The following BMS1 variants were observed in gnomAD, a reference collection of about 807,000 sequenced individuals.
The protein encoded by BMS1 is BMS1 ribosome biogenesis factor.
A neutral mutation model predicts 138.7 loss-of-function variants in BMS1; 53 were observed. The observed-to-expected ratio is 0.38, with a 90% CI of 0.31 to 0.48. The LOEUF (loss-of-function observed/expected upper bound fraction) is 0.48. Among genes scored for constraint, BMS1 ranks in the 20% least tolerant of loss-of-function variants. The pLI, the probability that BMS1 is intolerant of heterozygous loss-of-function variation, is 0.97. For missense variants in BMS1, 1,360 were observed against 1,565.5 expected, an observed-to-expected ratio of 0.87 and a Z score of 2.22; for synonymous variants, 504 against 539.9, an observed-to-expected ratio of 0.93 and a Z score of 0.92.
Position 42,793,865 on chromosome 10 carries a change from C to A in BMS1, c.1103C>A (p.Pro368His), listed in dbSNP as rs749074641. The change falls in exon 9 of 23, where the codon CCC (proline) becomes CAC (histidine). Residue 368 changes from proline to histidine, a missense_variant. Pro to His is a moderately conservative substitution (Grantham distance 77). Around this residue, in one of 3 missense-constraint regions of BMS1, gnomAD observed 697 missense variants for 686.2 expected, o/e 1.02. Transcript: ENST00000374518. ...GSHVFQDEVGPTHELVQSLIS... is the reference protein window; with the variant it reads ...GSHVFQDEVGHTHELVQSLIS... ...TGGTCTTGACAGGATGAAGTGGGGC[C>A]CACCCATGAGCTGGTCCAGAGTCTC... 1 of 1,611,356 alleles carries A rather than the reference C, an allele frequency of 6.2e-7. No homozygotes were observed.
intron 15 of BMS1, among the ~76,000 whole-genome samples, chr10:42,818,716 G>T (rs114817981): frequency 6.6e-6 from 1 of 152,302 alleles, no homozygotes; most frequent in African/African-American, 2.4e-5. Flanking sequence ...TCTGGCCAGG[G>T]ACTTAGATGT....
At chr10:42,791,882 G>A (rs889400745) in intron 6 of BMS1, 113 bp downstream of exon 6, 8 of 1,311,200 alleles carry the variant, frequency 6.1e-6, no homozygotes, top group African/African-American at 1.5e-5. Flanking sequence ...AGGGGGGATA[G>A]AAGTGTAGTT....
chr10:42,825,865 T>G (rs1050727719), intron 21 of BMS1, among the ~76,000 whole-genome samples: 1 of 152,222 alleles, frequency 6.6e-6, no homozygotes, highest in Non-Finnish European at 1.5e-5. Context: ...GGAAAAGCTT[T>G]TAGTTGTTCC....
intron 21 of BMS1, among the ~76,000 whole-genome samples, chr10:42,827,987 A>G (rs1842699365): frequency 6.6e-6 from 1 of 152,182 alleles, no homozygotes; most frequent in African/African-American, 2.4e-5. Context: ...GAAAGTTTTA[A>G]TGTTTTAATA....
intron 12 of BMS1, among the ~76,000 whole-genome samples, chr10:42,800,509 A>G (rs1229958298): frequency 6.6e-6 from 1 of 150,604 alleles, no homozygotes; most frequent in Non-Finnish European, 1.5e-5. Context: ...TGCCATATAT[A>G]TAGGGTAAAT....
chr10:42,820,356 T>G lies in BMS1; in HGVS notation c.2701T>G (p.Phe901Val). The change falls in exon 16 of 23, where the codon TTT becomes GTT. Residue 901 changes from phenylalanine (F) to valine (V), a missense_variant. By Grantham distance (50) the Phe-to-Val change is conservative. Coordinates refer to ENST00000374518, the MANE Select transcript of BMS1 (RefSeq NM_014753.4). ...ENVPCEFVQN[F>V]DPHYPIILGG... ...TGTTCCCTGTGAATTTGTGCAGAAC[T>G]TTGACCCCCATTACCCCATTATCCT... 2 of 1,611,866 alleles carry G rather than the reference T, an allele frequency of 1.2e-6. No individual in the cohort carries two copies. The highest frequency in any genetic ancestry group is 1.7e-6 in the Non-Finnish European group (2 of 1,178,528).
chr10:42,814,757 C>T (rs990610668), intron 13 of BMS1, among the ~76,000 whole-genome samples: 41 of 152,284 alleles, frequency 2.7e-4, no homozygotes, highest in African/African-American at 8.9e-4. Context: ...CTGTTGCCCA[C>T]CTGAGGGAAC....
chr10:42,831,578 G>A lies in BMS1; in HGVS notation c.*482G>A, dbSNP rs1313684810. ...GTGTAGTGTTTTTGTTTTGTTTTTT[G>A]TTTGAGTGACACACAAACCTAGATG... is the stretch of plus-strand genomic sequence containing the variant. On this transcript the variant is annotated 3_prime_UTR_variant, in exon 23 of 23. Coordinates refer to ENST00000374518, the MANE Select transcript of BMS1 (RefSeq NM_014753.4). 1 of 163,172 alleles carries A rather than the reference G, an allele frequency of 6.1e-6. No individual in the cohort carries two copies. Among genetic ancestry groups the A allele is most frequent in the Non-Finnish European group, 1.3e-5 (1 of 74,448 alleles). 10.1% of individuals were successfully genotyped at this position (163,172 alleles called of 1,614,324 possible). A position where few individuals can be genotyped will look rare whatever the true frequency, so the allele number is the denominator to read the frequency against.
In BMS1 at chr10:42,831,348, G is replaced by A. The variant is rs145068378; in HGVS notation, c.*252G>A. On this transcript the variant is annotated 3_prime_UTR_variant, in exon 23 of 23. Coordinates refer to ENST00000374518, the MANE Select transcript of BMS1 (RefSeq NM_014753.4). ...TGGATTCTCTTACTTTCCTCTGCCT[G>A]CCTCAGTTTAATTATTTTGTCCTAC... 8.4e-4 allele frequency: 343 copies of A among 406,490 alleles called. 1 individual carries two copies. Among genetic ancestry groups the A allele is most frequent in the African/African-American group, 6.4e-3 (322 of 49,938 alleles). The allele number at this position is 406,490 out of a possible 1,614,324, so 25.2% of individuals were successfully genotyped here. A position where few individuals can be genotyped will look rare whatever the true frequency, so the allele number is the denominator to read the frequency against.
rs374029132 is a variant in BMS1, at chr10:42,823,195, G to A, written c.3210G>A (p.Gln1070=). ...GAACAGTCAGTGGGATAAGGGGGCA[G>A]ATCAAGAAAGCACTCCGAGCTCCAG... is the stretch of plus-strand genomic sequence containing the variant. ...VIRTVSGIRG[Q]IKKALRAPEG... is the part of the protein sequence containing the mutation. Residue 1070 remains glutamine, a synonymous_variant, in exon 20 of 23, where the codon CAG becomes CAA. Coordinates refer to ENST00000374518, the MANE Select transcript of BMS1 (RefSeq NM_014753.4). 3.7e-6 allele frequency: 6 copies of A among 1,608,374 alleles called. 1 individual carries two copies. Among genetic ancestry groups the A allele is most frequent in the Non-Finnish European group, 5.1e-6 (6 of 1,178,830 alleles).
chr10:42,796,348 C>G (rs1343085819), intron 9 of BMS1, 126 bp from the exon 10 acceptor site: 7 of 1,131,426 alleles, frequency 6.2e-6, no homozygotes, highest in Non-Finnish European at 7.4e-6. Context: ...TTTCCCTATG[C>G]TATGTCATCT....
intron 9 of BMS1, among the ~76,000 whole-genome samples, chr10:42,794,248 C>T (rs1200016495): frequency 6.6e-6 from 1 of 152,046 alleles, no homozygotes; most frequent in Non-Finnish European, 1.5e-5. Flanking sequence ...CCATAGGTTG[C>T]CTTTTGTTTT....
In BMS1 at chr10:42,823,114, G is replaced by A. The variant is rs1259824040; in HGVS notation, c.3133-4G>A. 3 of 1,573,742 alleles carry A rather than the reference G, an allele frequency of 1.9e-6. No homozygotes were observed. The highest frequency in any genetic ancestry group is 3.7e-5 in the Admixed American group (2 of 53,534). ...TGTGTGTTTTTATCTTGCTATACCT[G>A]TAGGGAATGTTTAATTCTGCCTTGG... On this transcript the variant is annotated splice_polypyrimidine_tract_variant and splice_region_variant and intron_variant, in intron 19 of 22. Coordinates refer to ENST00000374518, the MANE Select transcript of BMS1 (RefSeq NM_014753.4).
Position 42,791,692 on chromosome 10 carries a change from T to G in BMS1, c.702T>G (p.Asn234Lys). Residue 234 changes from asparagine (N) to lysine (K), a missense_variant, in exon 6 of 23, where the codon AAT (asparagine) becomes AAG (lysine). Asn to Lys is a moderately conservative substitution (Grantham distance 94). Transcript: ENST00000374518. The stretch of plus-strand genomic sequence containing the variant: ...AATATCAAAACCAAGAAATCCACAA[T>G]CTGGGCCGTTTTATTACAGTTATGA... ...HGEYQNQEIH[N>K]LGRFITVMKF... 6.2e-7 allele frequency: 1 copy of G among 1,613,880 alleles called. No individual in the cohort carries two copies. Among genetic ancestry groups the G allele is most frequent in the Non-Finnish European group, 8.5e-7 (1 of 1,179,794 alleles).
intron 7 of BMS1, 94 bp from the exon 8 acceptor site, chr10:42,792,863 C>A: frequency 7.0e-7 from 1 of 1,426,894 alleles, no homozygotes; most frequent in Non-Finnish European, 9.5e-7. Flanking sequence ...TGGGTTAAGC[C>A]CTTGGACTGT....
rs780592648 is a variant in BMS1, at chr10:42,820,558, T to G, written c.2820T>G (p.Asp940Glu). ...RWYKKILKSR[D>E]PIIFSVGWRR... ...ATAAGAAAATCCTCAAGTCCCGAGA[T>G]CCAATCATATTTTCTGTAGGGTGGA... Residue 940 changes from aspartate (D) to glutamate (E), a missense_variant, in exon 17 of 23, where the codon GAT (aspartate) becomes GAG (glutamate). Physicochemically the swap from Asp to Glu is conservative, Grantham distance 45. This residue lies in a region of BMS1 where 425 missense variants were observed against 568.3 expected (regional missense o/e 0.75). Coordinates refer to ENST00000374518, the MANE Select transcript of BMS1 (RefSeq NM_014753.4). 2 of 1,611,496 alleles carry G rather than the reference T, an allele frequency of 1.2e-6. No individual in the cohort carries two copies. Among genetic ancestry groups the G allele is most frequent in the Admixed American group, 3.3e-5 (2 of 59,906 alleles).
intron 13 of BMS1, among the ~76,000 whole-genome samples, chr10:42,805,334 G>T (rs1841983028): frequency 6.6e-6 from 1 of 152,068 alleles, no homozygotes; most frequent in Non-Finnish European, 1.5e-5. Context: ...TGATATATTT[G>T]TTTATTTTTG....
intron 18 of BMS1, among the ~76,000 whole-genome samples, chr10:42,821,523 A>T (rs1842502307): frequency 1.4e-5 from 2 of 146,608 alleles, no homozygotes; most frequent in South Asian, 4.4e-4. Flanking sequence ...AATCACTCTC[A>T]GGAAAGTACT....
chr10:42,803,575 T>C (rs184594454), intron 13 of BMS1, among the ~76,000 whole-genome samples: 6 of 152,330 alleles, frequency 3.9e-5, no homozygotes, highest in Admixed American at 1.3e-4. Context: ...GTTACTAAGA[T>C]ACCAGTTATT....
Sources: gnomAD v4.1 joint callset for allele counts (sites outside exome capture counted in the v4.1 genomes callset) on GRCh38, gnomAD v4.1.1 for gene constraint, gnomAD v4.1.1 regional missense constraint, MANE v1.5 for transcripts, NCBI Gene and HGNC (gene_info 2026-07-23, HGNC 2026-07-21) for gene names.